The following FGF14 variants were observed in gnomAD, a reference collection of about 807,000 sequenced individuals.
FGF14 encodes the protein fibroblast growth factor homologous factor 4.
A neutral mutation model predicts 25.5 loss-of-function variants in FGF14; 5 were observed. That is an observed-to-expected ratio of 0.20 (90% CI 0.10 to 0.41). The LOEUF (loss-of-function observed/expected upper bound fraction) is 0.41, where lower values mean the gene tolerates loss of function less well. Ranked by LOEUF, FGF14 falls within the 10% of genes least tolerant of loss-of-function variation. The pLI is 1.00. For missense variants in FGF14, 222 were observed against 320.1 expected (o/e 0.69, Z 2.34); for synonymous variants, 138 against 118.3 (o/e 1.17, Z -1.08).
chr13:102,059,571 C>T (rs1182462965), intron 1 of FGF14, among the ~76,000 whole-genome samples: 2 of 152,208 alleles, frequency 1.3e-5, no homozygotes, highest in Non-Finnish European at 2.9e-5. Flanking sequence ...AAGATTAAAG[C>T]AGGGCACAGT....
intron 1 of FGF14, among the ~76,000 whole-genome samples, chr13:102,025,679 G>A (rs574554478): frequency 4.7e-4 from 72 of 152,130 alleles, no homozygotes; most frequent in African/African-American, 1.5e-3. Context: ...AAAGTGCTGC[G>A]ATTACAGGAG....
At chr13:101,839,288 C>CA (rs2043085865) in intron 3 of FGF14, among the ~76,000 whole-genome samples, 1 of 151,906 alleles carries the variant, frequency 6.6e-6, no homozygotes, top group Non-Finnish European at 1.5e-5. Flanking sequence ...AATCATGGCC[C>CA]ATGTGAAGTC....
At chr13:102,160,144 G>C (rs1166797043) in intron 1 of FGF14, among the ~76,000 whole-genome samples, 2 of 152,194 alleles carry the variant, frequency 1.3e-5, no homozygotes, top group East Asian at 3.9e-4. Flanking sequence ...AGGAAATAAG[G>C]GTACGTTTTT....
At chr13:102,178,854 C>T (rs2048553581) in intron 1 of FGF14, among the ~76,000 whole-genome samples, 1 of 151,942 alleles carries the variant, frequency 6.6e-6, no homozygotes, top group Admixed American at 6.6e-5. Context: ...TTAAATTGTA[C>T]TTACCACTGT....
At chr13:102,142,424 A>C (rs542947425) in intron 1 of FGF14, among the ~76,000 whole-genome samples, 1 of 152,106 alleles carries the variant, frequency 6.6e-6, no homozygotes. Flanking sequence ...AAAAAACCCA[A>C]CTTCTCCAGA....
intron 1 of FGF14, among the ~76,000 whole-genome samples, chr13:102,249,549 G>GGTGTGTGTGTGTGTGT (rs55773652): frequency 1.3e-5 from 2 of 150,400 alleles, no homozygotes; most frequent in African/African-American, 4.9e-5. Context: ...TACTGAGAGG[G>GGTGTGTGTGTGTGTGT]GTGTGTGTGT....
chr13:101,845,004 A>G (rs912395661), intron 3 of FGF14, among the ~76,000 whole-genome samples: 1 of 151,962 alleles, frequency 6.6e-6, no homozygotes, highest in African/African-American at 2.4e-5. Context: ...AATTCCCAAG[A>G]TCTGTTTTAG....
chr13:101,968,472 G>A (rs2037363633), intron 1 of FGF14, among the ~76,000 whole-genome samples: 1 of 151,960 alleles, frequency 6.6e-6, no homozygotes, highest in African/African-American at 2.4e-5. Flanking sequence ...AGGAGATCGA[G>A]ACCATCCTGA....
chr13:102,122,912 G>A (rs1367295715), intron 1 of FGF14, among the ~76,000 whole-genome samples: 3 of 152,118 alleles, frequency 2.0e-5, no homozygotes, highest in Non-Finnish European at 4.4e-5. Context: ...GCTCCAAGTC[G>A]CAGAGGTGGC....
intron 1 of FGF14, among the ~76,000 whole-genome samples, chr13:102,074,302 C>T (rs1303119038): frequency 6.6e-6 from 1 of 152,192 alleles, no homozygotes; most frequent in Non-Finnish European, 1.5e-5. Flanking sequence ...CATGAGCCAC[C>T]ACGCCCAGCA....
intron 1 of FGF14, among the ~76,000 whole-genome samples, chr13:102,129,254 A>G (rs901929393): frequency 1.6e-4 from 25 of 151,920 alleles, no homozygotes; most frequent in African/African-American, 5.1e-4. Flanking sequence ...CATCTCAAAA[A>G]AAAGAAAGAA....
Position 102,240,859 on chromosome 13 carries a change from T to C in FGF14, c.208+160612A>G, listed in dbSNP as rs573614878. 9.9e-5 allele frequency among the ~76,000 whole-genome samples: 15 copies of C among 152,204 alleles called. No homozygotes were observed. The South Asian group carries it at 3.1e-3, about 32-fold the overall frequency. On this transcript the variant is annotated intron_variant, in intron 1 of 4. Transcript: ENST00000376131. ...ATACAAGAGAATAATTTTTACCCTC[T>C]TATTTAAAAAAATTATCAAAATACA...
intron 1 of FGF14, among the ~76,000 whole-genome samples, chr13:101,931,520 C>G (rs2034749154): frequency 6.6e-6 from 1 of 152,190 alleles, no homozygotes; most frequent in Non-Finnish European, 1.5e-5. Context: ...CTCTCCTCCT[C>G]CACCATGTCT....
chr13:102,296,676 C>T (rs1003793010), intron 1 of FGF14, among the ~76,000 whole-genome samples: 2 of 152,182 alleles, frequency 1.3e-5, no homozygotes, highest in East Asian at 1.9e-4. Flanking sequence ...CTCCATTTCT[C>T]CTTCCAAACC....
intron 3 of FGF14, among the ~76,000 whole-genome samples, chr13:101,807,913 T>C (rs1170959110): frequency 6.6e-6 from 1 of 152,126 alleles, no homozygotes; most frequent in Non-Finnish European, 1.5e-5. Context: ...AAAAGGGTTT[T>C]ATATAGTACA....
intron 1 of FGF14, among the ~76,000 whole-genome samples, chr13:102,241,015 G>A (rs1863213769): frequency 6.6e-6 from 1 of 152,054 alleles, no homozygotes; most frequent in Admixed American, 6.6e-5. Context: ...AGAGGGTGGG[G>A]GGAATATGCA....
chr13:102,157,124 C>G (rs1285347022), intron 1 of FGF14, among the ~76,000 whole-genome samples: 1 of 152,136 alleles, frequency 6.6e-6, no homozygotes, highest in Admixed American at 6.5e-5. Context: ...ATCAAGCTAC[C>G]AATGACTTTC....
At chr13:102,040,222 C>T (rs1214149153) in intron 1 of FGF14, among the ~76,000 whole-genome samples, 1 of 152,136 alleles carries the variant, frequency 6.6e-6, no homozygotes, top group Non-Finnish European at 1.5e-5. Context: ...TTCCTTTGTA[C>T]TGTTGAGCTT....
At chr13:101,865,659 T>A (rs552600683) in intron 3 of FGF14, among the ~76,000 whole-genome samples, 1 of 152,220 alleles carries the variant, frequency 6.6e-6, no homozygotes, top group South Asian at 2.1e-4. Context: ...ACATTAAGTA[T>A]CTTATTTGGA....
Sources: gnomAD v4.1 joint callset for allele counts (sites outside exome capture counted in the v4.1 genomes callset) on GRCh38, gnomAD v4.1.1 for gene constraint, MANE v1.5 for transcripts, NCBI Gene and HGNC (gene_info 2026-07-23, HGNC 2026-07-21) for gene names.